Variants in CACNA2D1 observed in about 807,000 individuals in gnomAD.
The protein encoded by CACNA2D1 is voltage-dependent calcium channel subunit alpha-2/delta-1.
A neutral mutation model predicts 171.5 loss-of-function variants in CACNA2D1; 53 were observed. That is an observed-to-expected ratio of 0.31 (90% CI 0.25 to 0.39). The LOEUF (loss-of-function observed/expected upper bound fraction) is 0.39, where lower values mean the gene tolerates loss of function less well. Among genes scored for constraint, CACNA2D1 ranks in the 10% least tolerant of loss-of-function variants. CACNA2D1 has a pLI of 1.00. For synonymous variants in CACNA2D1, 442 were observed against 443.1 expected (o/e 1.00, Z 0.03); for missense variants, 903 against 1,299.8 (o/e 0.69, Z 4.69).
intron 1 of CACNA2D1, among the ~76,000 whole-genome samples, chr7:82,360,079 C>T (rs966004924): frequency 1.2e-4 from 19 of 152,164 alleles, no homozygotes; most frequent in Non-Finnish European, 2.2e-4. Flanking sequence ...GAATGTATAA[C>T]TCCATTAATA....
At chr7:81,956,142 TTTTTGTATTTTAG>T (rs1429378440) in intron 38 of CACNA2D1, among the ~76,000 whole-genome samples, 3 of 151,436 alleles carry the variant, frequency 2.0e-5, no homozygotes, top group Non-Finnish European at 4.4e-5. Context: ...GCCCAGCTAA[TTTTTGTATTTTAG>T]TAGAGATGGG....
intron 2 of CACNA2D1, among the ~76,000 whole-genome samples, chr7:82,341,914 C>T (rs933926461): frequency 2.6e-5 from 4 of 151,686 alleles, no homozygotes; most frequent in African/African-American, 9.7e-5. Context: ...ATTAGCCAGG[C>T]GTGGTGGCAG....
chr7:82,410,750 T>C (rs1179602069), intron 1 of CACNA2D1, among the ~76,000 whole-genome samples: 1 of 152,232 alleles, frequency 6.6e-6, no homozygotes, highest in Admixed American at 6.5e-5. Context: ...TGTACTCTTC[T>C]ATTTCTGTCT....
chr7:82,408,574 G>A (rs866811856), intron 1 of CACNA2D1, among the ~76,000 whole-genome samples: 1 of 152,078 alleles, frequency 6.6e-6, no homozygotes, highest in Non-Finnish European at 1.5e-5. Context: ...TAGCACATAC[G>A]GCACAGAACA....
chr7:82,261,470 AG>A, intron 3 of CACNA2D1, among the ~76,000 whole-genome samples: 1 of 152,304 alleles, frequency 6.6e-6, no homozygotes, highest in East Asian at 1.9e-4. Flanking sequence ...AGCTTTCCTT[AG>A]TAAAGTCTGC....
Position 82,137,851 on chromosome 7 carries a change from C to G in CACNA2D1, c.355-1175G>C, listed in dbSNP as rs578260902. Among the ~76,000 whole-genome samples the G allele has an allele frequency of 1.0e-4, 15 of 149,058 alleles. No individual in the cohort carries two copies. The East Asian group carries it at 3.1e-3, about 30-fold the overall frequency. On this transcript the variant is annotated intron_variant, in intron 4 of 38. Coordinates refer to ENST00000356860, the MANE Select transcript of CACNA2D1 (RefSeq NM_000722.4). Reference sequence around the variant, plus strand: ...GCTGAGATCGCGCGACAGAGCGAGACTCCGCCTCAAAAAAAAAATTTATTA... The same window carrying G: ...GCTGAGATCGCGCGACAGAGCGAGAGTCCGCCTCAAAAAAAAAATTTATTA...
intron 38 of CACNA2D1, among the ~76,000 whole-genome samples, chr7:81,959,008 C>T (rs564412639): frequency 6.6e-6 from 1 of 151,996 alleles, no homozygotes; most frequent in East Asian, 1.9e-4. Context: ...CCATAATTAA[C>T]ATTTACTATG....
At chr7:82,384,282 G>A (rs1824064937) in intron 1 of CACNA2D1, among the ~76,000 whole-genome samples, 1 of 152,152 alleles carries the variant, frequency 6.6e-6, no homozygotes, top group South Asian at 2.1e-4. Flanking sequence ...CCTTTGCAAG[G>A]CAATTAGGGT....
chr7:82,357,724 G>C (rs2018694), intron 1 of CACNA2D1, among the ~76,000 whole-genome samples: 1 of 121,852 alleles, frequency 8.2e-6, no homozygotes, highest in South Asian at 3.3e-4. Context: ...GGTGGGGGGT[G>C]GGGGGAGGGA....
chr7:81,950,461 C>T lies in CACNA2D1; in HGVS notation c.3207G>A (p.Leu1069=). ...GAAACTGGATTCCAATGATATACCA[C>T]AGGGAGGGATTTAATCCAGAAACAC... ...CGGVSGLNPS[L]WYIIGIQFLL... Residue 1069 remains leucine (L), a synonymous_variant, in exon 39 of 39, where the codon CTG becomes CTA. Coordinates refer to ENST00000356860, the MANE Select transcript of CACNA2D1 (RefSeq NM_000722.4). 2 of 1,612,928 alleles carry T rather than the reference C, an allele frequency of 1.2e-6. No individual in the cohort carries two copies. Among genetic ancestry groups the T allele is most frequent in the Non-Finnish European group, 8.5e-7 (1 of 1,179,536 alleles).
At chr7:82,025,848 C>A (rs1430610580) in intron 12 of CACNA2D1, among the ~76,000 whole-genome samples, 1 of 151,696 alleles carries the variant, frequency 6.6e-6, no homozygotes, top group African/African-American at 2.4e-5. Context: ...GATCATCTGT[C>A]TGGCTGTTCT....
At chr7:82,351,249 T>C (rs1819812411) in intron 1 of CACNA2D1, among the ~76,000 whole-genome samples, 3 of 151,584 alleles carry the variant, frequency 2.0e-5, no homozygotes, top group South Asian at 2.1e-4. Context: ...AGTATAAATA[T>C]AAATTTTTTA....
At chr7:82,309,919 A>G (rs189109396) in intron 3 of CACNA2D1, among the ~76,000 whole-genome samples, 9 of 152,344 alleles carry the variant, frequency 5.9e-5, no homozygotes, top group Admixed American at 3.3e-4. Flanking sequence ...GTTGCAAAAT[A>G]CTTTTCAGTA....
At chr7:82,064,449 T>A in intron 8 of CACNA2D1, 95 bp from the exon 9 acceptor site, 1 of 919,084 alleles carries the variant, frequency 1.1e-6, no homozygotes. Flanking sequence ...GACAAGGTTT[T>A]TTTCCCCAAG....
intron 2 of CACNA2D1, among the ~76,000 whole-genome samples, chr7:82,340,716 T>C (rs1818526755): frequency 6.6e-6 from 1 of 152,192 alleles, no homozygotes; most frequent in Non-Finnish European, 1.5e-5. Flanking sequence ...AGGATACCCA[T>C]TATTACCTTC....
intron 1 of CACNA2D1, among the ~76,000 whole-genome samples, chr7:82,393,159 G>C (rs1267581494): frequency 1.4e-5 from 2 of 142,600 alleles, no homozygotes; most frequent in Non-Finnish European, 1.5e-5. Context: ...GGCAGGCAGG[G>C]AGGGAGGCCG....
chr7:82,035,825 A>C (rs1803231576), intron 11 of CACNA2D1, among the ~76,000 whole-genome samples: 1 of 152,210 alleles, frequency 6.6e-6, no homozygotes, highest in Non-Finnish European at 1.5e-5. Flanking sequence ...TTACTAGAGG[A>C]AGGATACATC....
At chr7:82,285,288 C>T (rs1028436530) in intron 3 of CACNA2D1, among the ~76,000 whole-genome samples, 2 of 151,744 alleles carry the variant, frequency 1.3e-5, no homozygotes, top group Non-Finnish European at 2.9e-5. Flanking sequence ...GTGGTAATGC[C>T]TCTCATGGTC....
chr7:82,083,622 T>A (rs911584986), intron 7 of CACNA2D1, among the ~76,000 whole-genome samples: 2 of 152,112 alleles, frequency 1.3e-5, no homozygotes, highest in Non-Finnish European at 2.9e-5. Flanking sequence ...AAATATTTAA[T>A]TATAACTCAT....
Sources: gnomAD v4.1 joint callset for allele counts (sites outside exome capture counted in the v4.1 genomes callset) on GRCh38, gnomAD v4.1.1 for gene constraint, MANE v1.5 for transcripts, NCBI Gene and HGNC (gene_info 2026-07-23, HGNC 2026-07-21) for gene names.